NRG1: variants seen among roughly 807,000 people sequenced by gnomAD.
NRG1 encodes the protein pro-neuregulin-1, membrane-bound isoform.
Under a neutral mutation model 63.8 loss-of-function variants are expected in NRG1, and 18 were observed. The ratio of observed to expected loss-of-function variants is 0.28; its 90% CI spans 0.19 to 0.42. NRG1 has a LOEUF of 0.42. Ranked by LOEUF, NRG1 falls within the 10% of genes least tolerant of loss-of-function variation. The pLI is 1.00. For missense variants in NRG1, 762 were observed against 814.7 expected (o/e 0.94, Z 0.79); for synonymous variants, 302 against 301.3 (o/e 1.00, Z -0.02).
chr8:32,106,366 T>C (rs1450052154), intron 1 of NRG1, among the ~76,000 whole-genome samples: 1 of 152,214 alleles, frequency 6.6e-6, no homozygotes, highest in Non-Finnish European at 1.5e-5. Flanking sequence ...AGTTAAAATG[T>C]ATTTTGATTA....
At chr8:32,341,403 G>A (rs1252698084) in intron 1 of NRG1, among the ~76,000 whole-genome samples, 2 of 152,202 alleles carry the variant, frequency 1.3e-5, no homozygotes, top group Non-Finnish European at 1.5e-5. Flanking sequence ...TGGTCAGCTC[G>A]TGGCTGAAAT....
intron 5 of NRG1, among the ~76,000 whole-genome samples, chr8:32,672,673 T>C (rs1356683940): frequency 6.6e-6 from 1 of 152,208 alleles, no homozygotes; most frequent in East Asian, 1.9e-4. Flanking sequence ...AGAAAATGTT[T>C]CTTTCATTTA....
At chr8:32,305,598 A>G (rs924810650) in intron 1 of NRG1, among the ~76,000 whole-genome samples, 1 of 152,178 alleles carries the variant, frequency 6.6e-6, no homozygotes, top group Non-Finnish European at 1.5e-5. Context: ...CTCAGAGTCC[A>G]CTTAGCTTTG....
At chr8:31,641,101 G>A (rs111580344) in intron 1 of NRG1, among the ~76,000 whole-genome samples, 2 of 152,270 alleles carry the variant, frequency 1.3e-5, no homozygotes, top group African/African-American at 4.8e-5. Flanking sequence ...AAGGAGGAAG[G>A]GTGAGTCCCG....
At chr8:32,025,964 G>C (rs1451062417) in intron 1 of NRG1, among the ~76,000 whole-genome samples, 1 of 138,514 alleles carries the variant, frequency 7.2e-6, no homozygotes, top group Non-Finnish European at 1.6e-5. Context: ...AAAAAAAAAA[G>C]TGAAGATATT....
At chr8:32,091,532 A>C (rs1479774264) in intron 1 of NRG1, among the ~76,000 whole-genome samples, 1 of 152,146 alleles carries the variant, frequency 6.6e-6, no homozygotes, top group Non-Finnish European at 1.5e-5. Flanking sequence ...ATTTTAGTTA[A>C]TTGGTAGCCA....
At chr8:31,701,799 C>T (rs976618262) in intron 1 of NRG1, among the ~76,000 whole-genome samples, 4 of 150,338 alleles carry the variant, frequency 2.7e-5, no homozygotes, top group African/African-American at 1.0e-4. Flanking sequence ...TACTTATTTC[C>T]CAGAGTAATG....
chr8:31,863,415 C>T (rs1030088994), intron 1 of NRG1, among the ~76,000 whole-genome samples: 16 of 152,106 alleles, frequency 1.1e-4, no homozygotes, highest in African/African-American at 3.6e-4. Flanking sequence ...TTAATGTTAC[C>T]TGCCAAGATA....
intron 1 of NRG1, chr8:31,639,497 C>G (rs947735101): frequency 1.3e-6 from 2 of 1,526,730 alleles, no homozygotes; most frequent in African/African-American, 1.4e-5. Flanking sequence ...TCCAGGCACG[C>G]AACTCCGCCT....
chr8:32,201,842 T>A (rs1418802987), intron 1 of NRG1, among the ~76,000 whole-genome samples: 1 of 152,216 alleles, frequency 6.6e-6, no homozygotes, highest in Non-Finnish European at 1.5e-5. Flanking sequence ...AACACAACCA[T>A]ATGGCATCAG....
At chr8:32,521,518 G>A (rs1647345449) in intron 1 of NRG1, among the ~76,000 whole-genome samples, 1 of 152,076 alleles carries the variant, frequency 6.6e-6, no homozygotes, top group African/African-American at 2.4e-5. Flanking sequence ...GAATACAGAA[G>A]TGCTCAAAAG....
At chr8:32,255,521 C>T (rs778257159) in intron 1 of NRG1, among the ~76,000 whole-genome samples, 14 of 152,166 alleles carry the variant, frequency 9.2e-5, no homozygotes, top group Non-Finnish European at 1.9e-4. Flanking sequence ...ATATTGGCCC[C>T]CAATCTCTTC....
At chr8:32,349,329 A>T (rs753127856) in intron 1 of NRG1, among the ~76,000 whole-genome samples, 1 of 152,180 alleles carries the variant, frequency 6.6e-6, no homozygotes, top group Non-Finnish European at 1.5e-5. Flanking sequence ...CTTTAAGGAA[A>T]ATCATGGCAC....
intron 11 of NRG1, among the ~76,000 whole-genome samples, chr8:32,763,525 A>G (rs1831088322): frequency 6.6e-6 from 1 of 152,178 alleles, no homozygotes; most frequent in Non-Finnish European, 1.5e-5. Flanking sequence ...GAGCTAGGCA[A>G]TTTAGCTGAT....
chr8:32,103,911 T>C lies in NRG1; in HGVS notation c.37+464480T>C, dbSNP rs149038568. Reference sequence around the variant, plus strand: ...ATGCCCCTCCTTTATCTGTTGATTATACCAGGCTTACAGGGAGGATTTTAT... The same window carrying C: ...ATGCCCCTCCTTTATCTGTTGATTACACCAGGCTTACAGGGAGGATTTTAT... On this transcript the variant is annotated intron_variant, in intron 1 of 10. Coordinates refer to the NRG1 transcript ENST00000519301. 5.1e-3 allele frequency among the ~76,000 whole-genome samples: 779 copies of C among 152,270 alleles called. 8 individuals are homozygous for C. The highest frequency in any genetic ancestry group is 0.018 in the African/African-American group (748 of 41,562).
At chr8:32,114,306 C>G (rs973248791) in intron 1 of NRG1, among the ~76,000 whole-genome samples, 1 of 152,136 alleles carries the variant, frequency 6.6e-6, no homozygotes, top group African/African-American at 2.4e-5. Context: ...CAGGTCTCAC[C>G]CAGGAAAGTG....
chr8:32,340,774 T>G (rs1803976215), intron 1 of NRG1, among the ~76,000 whole-genome samples: 1 of 152,204 alleles, frequency 6.6e-6, no homozygotes, highest in South Asian at 2.1e-4. Context: ...AAGCCCGATA[T>G]CCTGTACTTT....
chr8:32,345,159 G>A (rs1804722131), intron 1 of NRG1, among the ~76,000 whole-genome samples: 1 of 152,178 alleles, frequency 6.6e-6, no homozygotes, highest in Non-Finnish European at 1.5e-5. Context: ...AATGAAAATT[G>A]ATAGCAAAGG....
At chr8:32,408,809 C>A (rs915247259) in intron 1 of NRG1, among the ~76,000 whole-genome samples, 3 of 152,072 alleles carry the variant, frequency 2.0e-5, no homozygotes, top group African/African-American at 7.2e-5. Flanking sequence ...ATGGATATAA[C>A]TCTGGTCTTT....
Sources: allele counts gnomAD v4.1 joint callset (sites outside exome capture counted in the v4.1 genomes callset), GRCh38; gene constraint gnomAD v4.1.1; transcripts MANE v1.5; gene names NCBI Gene and HGNC (gene_info 2026-07-23, HGNC 2026-07-21).